Variants in OPCML observed in about 807,000 individuals in gnomAD.
The protein encoded by OPCML is opioid binding protein/cell adhesion molecule like.
In OPCML, 13 loss-of-function variants were observed where a neutral mutation model predicts 37.8. That is an observed-to-expected ratio of 0.34 (90% confidence interval 0.22 to 0.55). The LOEUF is 0.55. Ranked by LOEUF, OPCML falls within the 20% of genes least tolerant of loss-of-function variation. The pLI, the probability that OPCML is intolerant of heterozygous loss-of-function variation, is 0.91. For missense variants in OPCML, 341 were observed against 435.6 expected (o/e 0.78, Z 1.93); for synonymous variants, 176 against 168.8 (o/e 1.04, Z -0.33).
At chr11:132,607,363 T>C (rs1305837863) in intron 3 of OPCML, among the ~76,000 whole-genome samples, 2 of 152,182 alleles carry the variant, frequency 1.3e-5, no homozygotes, top group Non-Finnish European at 1.5e-5. Flanking sequence ...CTGTAGGTTC[T>C]TTGAACACGA....
chr11:133,284,589 T>G (rs560253965), intron 1 of OPCML, among the ~76,000 whole-genome samples: 2 of 152,278 alleles, frequency 1.3e-5, no homozygotes, highest in East Asian at 3.9e-4. Flanking sequence ...ACTGGGATAC[T>G]GGGAATTTGG....
At chr11:133,075,300 C>A (rs59136141) in intron 1 of OPCML, among the ~76,000 whole-genome samples, 1 of 152,182 alleles carries the variant, frequency 6.6e-6, no homozygotes, top group Non-Finnish European at 1.5e-5. Context: ...TGAGGCCAAA[C>A]GGGAGCCATG....
chr11:133,238,714 G>A (rs1940616270), intron 1 of OPCML, among the ~76,000 whole-genome samples: 1 of 150,750 alleles, frequency 6.6e-6, no homozygotes, highest in South Asian at 2.2e-4. Context: ...ATAAAGCAAT[G>A]TTTCCATTTA....
intron 2 of OPCML, among the ~76,000 whole-genome samples, chr11:132,930,705 GA>G (rs1945168284): frequency 6.6e-6 from 1 of 152,054 alleles, no homozygotes. Context: ...TTGAAATAAA[GA>G]ACACAAAAAT....
rs918639288 is a variant in OPCML, at chr11:132,634,275, T to C, written c.379+22812A>G. ...CTTCTCTCATAAAGGAAGCAGGTTG[T>C]TAGTGTTATGGATGGTGGAAATAGC... On this transcript the variant is annotated intron_variant, in intron 3 of 7. Coordinates refer to ENST00000524381, the MANE Select transcript of OPCML (RefSeq NM_001012393.5). 6.6e-5 allele frequency among the ~76,000 whole-genome samples: 10 copies of C among 152,290 alleles called. 1 individual carries two copies. The highest frequency in any genetic ancestry group is 2.4e-4 in the African/African-American group (10 of 41,572).
At chr11:132,644,492 A>G (rs1565740110) in intron 3 of OPCML, among the ~76,000 whole-genome samples, 1 of 152,142 alleles carries the variant, frequency 6.6e-6, no homozygotes, top group African/African-American at 2.4e-5. Flanking sequence ...AAAAATAAGA[A>G]AGAAAAAAAA....
At chr11:132,897,519 C>T (rs986371790) in intron 2 of OPCML, among the ~76,000 whole-genome samples, 21 of 152,196 alleles carry the variant, frequency 1.4e-4, no homozygotes, top group African/African-American at 5.1e-4. Flanking sequence ...TGCCTTCTCT[C>T]CCACCACCTG....
intron 3 of OPCML, among the ~76,000 whole-genome samples, chr11:132,655,862 C>CTT (rs1181492812): frequency 7.4e-6 from 1 of 134,414 alleles, no homozygotes; most frequent in Non-Finnish European, 1.6e-5. Flanking sequence ...CATCGTGGTC[C>CTT]TTTTTTTTTT....
At chr11:133,143,702 C>G (rs4937749) in intron 1 of OPCML, among the ~76,000 whole-genome samples, 146,176 of 152,274 alleles carry the variant, frequency 0.96, 70,216 homozygotes, top group East Asian at 1. Flanking sequence ...TTTTCCTTGT[C>G]GGGTAAATGA....
chr11:133,043,782 C>A (rs1375870942), intron 1 of OPCML, among the ~76,000 whole-genome samples: 3 of 152,170 alleles, frequency 2.0e-5, no homozygotes, highest in East Asian at 3.8e-4. Context: ...TAAAGCCAGA[C>A]AAATCGTTCA....
At chr11:133,501,974 C>A (rs1015761224) in intron 1 of OPCML, among the ~76,000 whole-genome samples, 1 of 152,124 alleles carries the variant, frequency 6.6e-6, no homozygotes, top group Admixed American at 6.6e-5. Context: ...GCCCCTTCCA[C>A]GACCGCTGCT....
chr11:133,187,041 C>A (rs1186898429), intron 1 of OPCML, among the ~76,000 whole-genome samples: 1 of 152,114 alleles, frequency 6.6e-6, no homozygotes, highest in Non-Finnish European at 1.5e-5. Flanking sequence ...TAGATCTGAG[C>A]ATTTACTGAG....
chr11:133,038,775 T>C (rs1358870368), intron 1 of OPCML, among the ~76,000 whole-genome samples: 1 of 151,062 alleles, frequency 6.6e-6, no homozygotes, highest in South Asian at 2.1e-4. Flanking sequence ...TTGGTTGTAA[T>C]AGGGTTGATC....
intron 2 of OPCML, among the ~76,000 whole-genome samples, chr11:132,691,068 A>G (rs995816318): frequency 1.3e-5 from 2 of 152,186 alleles, no homozygotes; most frequent in African/African-American, 2.4e-5. Flanking sequence ...TACACATATT[A>G]GTCATTTTAG....
At chr11:132,957,147 C>A (rs1168284525) in intron 1 of OPCML, among the ~76,000 whole-genome samples, 1 of 152,068 alleles carries the variant, frequency 6.6e-6, no homozygotes, top group Admixed American at 6.6e-5. Context: ...AAACCAAAAC[C>A]AAAACAAAAC....
chr11:132,638,547 G>T lies in OPCML; in HGVS notation c.379+18540C>A, dbSNP rs1165571236. Among the ~76,000 whole-genome samples, 3 of 152,158 alleles carry T rather than the reference G, an allele frequency of 2.0e-5. No homozygotes were observed. In the East Asian group the frequency reaches 5.8e-4, roughly 29 times the overall value. ...GGGTGTGGTTAAAAGATAACCAGCTGTTGTTTTGGAGGTCACAAGATATGT... is the reference window on the plus strand; with the variant it reads ...GGGTGTGGTTAAAAGATAACCAGCTTTTGTTTTGGAGGTCACAAGATATGT... On this transcript the variant is annotated intron_variant, in intron 3 of 7. Coordinates refer to ENST00000524381, the MANE Select transcript of OPCML (RefSeq NM_001012393.5).
intron 1 of OPCML, among the ~76,000 whole-genome samples, chr11:133,129,556 A>C (rs1949572586): frequency 6.6e-6 from 1 of 152,186 alleles, no homozygotes; most frequent in African/African-American, 2.4e-5. Context: ...TCTTGTGCAC[A>C]ACAAGATACA....
chr11:133,264,699 TATA>T (rs1435462064), intron 1 of OPCML, among the ~76,000 whole-genome samples: 2 of 152,184 alleles, frequency 1.3e-5, no homozygotes, highest in Admixed American at 1.3e-4. Context: ...CAATCAACTC[TATA>T]ATAATACCTC....
At chr11:132,760,560 CTTTT>C (rs200647564) in intron 2 of OPCML, among the ~76,000 whole-genome samples, 1 of 126,892 alleles carries the variant, frequency 7.9e-6, no homozygotes, top group African/African-American at 2.9e-5. Flanking sequence ...TAATGCCCTT[CTTTT>C]TTTTTTTTTT....
Sources: gnomAD v4.1 joint callset for allele counts (sites outside exome capture counted in the v4.1 genomes callset) on GRCh38, gnomAD v4.1.1 for gene constraint, MANE v1.5 for transcripts, NCBI Gene and HGNC (gene_info 2026-07-23, HGNC 2026-07-21) for gene names.